TFCP2L1: variants seen among roughly 807,000 people sequenced by gnomAD.
The protein encoded by TFCP2L1 is transcription factor CP2 like 1.
Under a neutral mutation model 72.2 loss-of-function variants are expected in TFCP2L1, and 12 were observed. That is an observed-to-expected ratio of 0.17 (90% CI 0.11 to 0.27). TFCP2L1 has a LOEUF of 0.27. TFCP2L1 is among the 10% of genes least tolerant of loss of function. The probability of loss-of-function intolerance (pLI) is 1.00; values close to 1 mark genes in which losing one functional copy is unlikely to be tolerated. For missense variants in TFCP2L1, 488 were observed against 624.6 expected, an observed-to-expected ratio of 0.78 and a Z score of 2.33; for synonymous variants, 260 against 251.0, an observed-to-expected ratio of 1.04 and a Z score of -0.34.
intron 13 of TFCP2L1, among the ~76,000 whole-genome samples, chr2:121,226,924 C>T (rs762022869): frequency 2.0e-5 from 3 of 152,180 alleles, no homozygotes; most frequent in East Asian, 1.9e-4. Context: ...ATCACAAAGA[C>T]GGGCATGAGG....
intron 8 of TFCP2L1, among the ~76,000 whole-genome samples, chr2:121,239,116 C>T (rs1686309808): frequency 6.6e-6 from 1 of 152,166 alleles, no homozygotes; most frequent in Non-Finnish European, 1.5e-5. Flanking sequence ...GCAATGAAGC[C>T]AGTTTCTGTG....
intron 2 of TFCP2L1, among the ~76,000 whole-genome samples, chr2:121,264,405 G>T (rs891925193): frequency 1.3e-5 from 2 of 152,244 alleles, no homozygotes; most frequent in Non-Finnish European, 2.9e-5. Context: ...TGGAAATGGG[G>T]AAGGCGGGGA....
chr2:121,244,765 T>C (rs1686446912), intron 6 of TFCP2L1, among the ~76,000 whole-genome samples: 1 of 151,870 alleles, frequency 6.6e-6, no homozygotes, highest in Non-Finnish European at 1.5e-5. Context: ...GGTGAGGGAG[T>C]GAACCGCTGC....
At chr2:121,250,691 C>T (rs1216018148) in intron 2 of TFCP2L1, among the ~76,000 whole-genome samples, 1 of 151,070 alleles carries the variant, frequency 6.6e-6, no homozygotes, top group Non-Finnish European at 1.5e-5. Flanking sequence ...ACTGCAACCT[C>T]CGCCTTGTGG....
chr2:121,281,485 T>C (rs1358799334), intron 1 of TFCP2L1, among the ~76,000 whole-genome samples: 3 of 152,056 alleles, frequency 2.0e-5, no homozygotes, highest in Non-Finnish European at 2.9e-5. Context: ...TTTCACTCAA[T>C]GACCCCCCAA....
In TFCP2L1 at chr2:121,217,259, C is replaced by G. The variant is rs1206757581; in HGVS notation, c.*7082G>C. The G allele has an allele frequency of 2.0e-5, 3 of 152,286 alleles. No homozygotes were observed. In the East Asian group the frequency reaches 5.8e-4, roughly 29 times the overall value. 9.4% of individuals were successfully genotyped at this position (152,286 alleles called of 1,614,324 possible). On this transcript the variant is annotated 3_prime_UTR_variant, in exon 15 of 15. Transcript: ENST00000263707. ...AGGGAGGATCGAGTGAGAAGCTGACCAAATGCGCAGAACACAAAGCCTAGC... is the reference window on the plus strand; with the variant it reads ...AGGGAGGATCGAGTGAGAAGCTGACGAAATGCGCAGAACACAAAGCCTAGC...
chr2:121,275,441 G>T (rs1687128522), intron 2 of TFCP2L1, among the ~76,000 whole-genome samples: 2 of 145,528 alleles, frequency 1.4e-5, no homozygotes, highest in Admixed American at 7.0e-5. Context: ...CATTTTACAT[G>T]TTTAGGATAC....
At position 121,248,285 on chromosome 2, in the gene TFCP2L1, A is replaced by G; in HGVS notation, c.398-15T>C. 1 of 1,597,776 alleles carries G rather than the reference A, an allele frequency of 6.3e-7. No individual in the cohort carries two copies. The highest frequency in any genetic ancestry group is 8.6e-7 in the Non-Finnish European group (1 of 1,167,298). On this transcript the variant is annotated splice_polypyrimidine_tract_variant and intron_variant, in intron 4 of 14. Transcript: ENST00000263707. ...CAGTGGAATATCTGCATACACACAC[A>G]CACATACAGAAAGTGCAATTGTCAG...
chr2:121,217,099 G>C lies in TFCP2L1; in HGVS notation c.*7242C>G, dbSNP rs1173300654. On this transcript the variant is annotated 3_prime_UTR_variant, in exon 15 of 15. Transcript: ENST00000263707. Reference sequence around the variant, plus strand: ...CCACCTATCTGAGAGCATGAGATCTGCAAGTGGGATCCGGACTGGACACCA... The same window carrying C: ...CCACCTATCTGAGAGCATGAGATCTCCAAGTGGGATCCGGACTGGACACCA... 6.6e-6 allele frequency: 1 copy of C among 152,302 alleles called. No homozygotes were observed. Among genetic ancestry groups the C allele is most frequent in the East Asian group, 1.9e-4 (1 of 5,194 alleles). The allele number at this position is 152,302 out of a possible 1,614,324, so 9.4% of individuals were successfully genotyped here. A position where few individuals can be genotyped will look rare whatever the true frequency, so the allele number is the denominator to read the frequency against.
chr2:121,280,899 G>A (rs899222271), intron 2 of TFCP2L1, among the ~76,000 whole-genome samples: 11 of 152,112 alleles, frequency 7.2e-5, no homozygotes, highest in African/African-American at 1.4e-4. Context: ...TGTTACCCGC[G>A]TGAGGTATCT....
rs189577797 is a variant in TFCP2L1 at position 121,224,200 on chromosome 2, T to A, written c.*141A>T. 1 of 890,826 alleles carries A rather than the reference T, an allele frequency of 1.1e-6. No homozygotes were observed. Among genetic ancestry groups the A allele is most frequent in the East Asian group, 2.6e-5 (1 of 38,390 alleles). 55.2% of individuals were successfully genotyped at this position (890,826 alleles called of 1,614,324 possible). A position where few individuals can be genotyped will look rare whatever the true frequency, so the allele number is the denominator to read the frequency against. On this transcript the variant is annotated 3_prime_UTR_variant, in exon 15 of 15. Transcript: ENST00000263707. ...TCCACAGGCTTCTGCTGGTTGGTGC[T>A]CTGTAGCTTTCACAGACTGGGCAGG...
In TFCP2L1 at chr2:121,225,603, T is replaced by G. The variant is rs1192902199; in HGVS notation, c.1352A>C (p.Asn451Thr). Residue 451 changes from asparagine to threonine, a missense_variant, in exon 14 of 15, where the codon AAC (asparagine) becomes ACC (threonine). Asn to Thr is a moderately conservative substitution (Grantham distance 65). Transcript: ENST00000263707. ...GACAAAACAGGATTCATCTTGGAAG[T>G]TCTGCACCATCTGAGAGACAAAAGA... ...HVVVSNEMVQNFQDESCFVLS... is the reference protein window; with the variant it reads ...HVVVSNEMVQTFQDESCFVLS... 1.2e-6 allele frequency: 2 copies of G among 1,614,028 alleles called. No homozygotes were observed. Among genetic ancestry groups the G allele is most frequent in the African/African-American group, 2.7e-5 (2 of 74,934 alleles).
At chr2:121,282,319 TAAAA>T (rs539101704) in intron 1 of TFCP2L1, among the ~76,000 whole-genome samples, 4 of 86,254 alleles carry the variant, frequency 4.6e-5, no homozygotes, top group Admixed American at 2.8e-4. Flanking sequence ...CTCTCCACAT[TAAAA>T]AAAAAAAAAA....
intron 2 of TFCP2L1, among the ~76,000 whole-genome samples, chr2:121,263,196 A>G (rs995487320): frequency 6.6e-6 from 1 of 152,216 alleles, no homozygotes; most frequent in African/African-American, 2.4e-5. Context: ...TCGGCCTCCC[A>G]AAGTGCTGGG....
chr2:121,239,200 G>T (rs1258109420), intron 8 of TFCP2L1, among the ~76,000 whole-genome samples: 1 of 152,142 alleles, frequency 6.6e-6, no homozygotes, highest in Admixed American at 6.5e-5. Flanking sequence ...TGACCATGCT[G>T]GACAAAGAAC....
Position 121,233,961 on chromosome 2 carries a change from C to T in TFCP2L1, c.1198+130G>A, listed in dbSNP as rs374741375. ...AGCATGCACTAGGCTGCCCTTTCCA[C>T]GTGTGGGCATGTGGGAGCCCAGGAC... On this transcript the variant is annotated intron_variant, in intron 12 of 14. Transcript: ENST00000263707. 9.2e-4 allele frequency: 737 copies of T among 802,162 alleles called. 14 individuals are homozygous for T. In the South Asian group the frequency reaches 0.011, roughly 12 times the overall value. The allele number at this position is 802,162 out of a possible 1,614,324, so 49.7% of individuals were successfully genotyped here.
At chr2:121,243,513 C>T (rs1215816144) in intron 6 of TFCP2L1, among the ~76,000 whole-genome samples, 2 of 152,186 alleles carry the variant, frequency 1.3e-5, no homozygotes, top group Non-Finnish European at 2.9e-5. Flanking sequence ...AGCGAAGCTT[C>T]ATCTTCATCT....
At position 121,241,693 on chromosome 2, in the gene TFCP2L1, T is replaced by C. The variant is rs1270719267; in HGVS notation, c.768+666A>G. Among the ~76,000 whole-genome samples the C allele has an allele frequency of 5.3e-5, 8 of 152,190 alleles. No homozygotes were observed. In the East Asian group the frequency reaches 1.5e-3, roughly 29 times the overall value. ...ATGGAAACCTGCCAATTGCTTCCCA[T>C]GTGCAGACCTTCACATGCACAGTTA... On this transcript the variant is annotated intron_variant, in intron 7 of 14. Coordinates refer to ENST00000263707, the MANE Select transcript of TFCP2L1 (RefSeq NM_014553.3).
chr2:121,269,918 A>AAAAATAAAAAATAT, intron 2 of TFCP2L1, among the ~76,000 whole-genome samples: 3 of 115,182 alleles, frequency 2.6e-5, no homozygotes, highest in African/African-American at 1.1e-4. Flanking sequence ...AAAAAAAAAA[A>AAAAATAAAAAATAT]ATATATATAT....
Sources: gnomAD v4.1 joint callset for allele counts (sites outside exome capture counted in the v4.1 genomes callset) on GRCh38, gnomAD v4.1.1 for gene constraint, MANE v1.5 for transcripts, NCBI Gene and HGNC (gene_info 2026-07-23, HGNC 2026-07-21) for gene names.